Variants in NME7 observed in about 807,000 individuals in gnomAD.
The protein encoded by NME7 is nucleoside diphosphate kinase 7.
A neutral mutation model predicts 49.1 loss-of-function variants in NME7; 41 were observed. The observed-to-expected ratio is 0.83, with a 90% CI of 0.65 to 1.08. NME7 has a LOEUF of 1.08. Ranked by LOEUF, NME7 falls within the 50% of genes least tolerant of loss-of-function variation. The pLI is 0.00. For synonymous variants in NME7, 139 were observed against 150.6 expected, an observed-to-expected ratio of 0.92 and a Z score of 0.56; for missense variants, 423 against 463.4, an observed-to-expected ratio of 0.91 and a Z score of 0.80.
intron 1 of NME7, among the ~76,000 whole-genome samples, chr1:169,325,293 G>A (rs1217268079): frequency 6.6e-6 from 1 of 151,902 alleles, no homozygotes; most frequent in African/African-American, 2.4e-5. Flanking sequence ...GGACAGGGAG[G>A]GGCCAGCTTT....
chr1:169,195,405 T>C (rs1660350208), intron 10 of NME7, among the ~76,000 whole-genome samples: 1 of 152,080 alleles, frequency 6.6e-6, no homozygotes, highest in South Asian at 2.1e-4. Context: ...TTTATTTATT[T>C]TTATATTTAT....
intron 1 of NME7, among the ~76,000 whole-genome samples, chr1:169,358,469 T>C (rs1188897572): frequency 6.6e-6 from 1 of 152,074 alleles, no homozygotes; most frequent in Admixed American, 6.6e-5. Context: ...TTCAACAAGC[T>C]ACATCTTGAA....
chr1:169,250,413 A>G (rs1243480965), intron 7 of NME7, among the ~76,000 whole-genome samples: 1 of 151,910 alleles, frequency 6.6e-6, no homozygotes, highest in Non-Finnish European at 1.5e-5. Flanking sequence ...TGAAAAACCA[A>G]CTTTTAGTGT....
intron 10 of NME7, among the ~76,000 whole-genome samples, chr1:169,218,910 A>G (rs1224873609): frequency 1.3e-5 from 2 of 152,188 alleles, no homozygotes; most frequent in African/African-American, 4.8e-5. Flanking sequence ...CTTAAGATAA[A>G]TGCCCTGGAT....
intron 10 of NME7, among the ~76,000 whole-genome samples, chr1:169,224,396 T>A (rs572024916): frequency 1.2e-3 from 189 of 152,312 alleles, no homozygotes; most frequent in African/African-American, 4.3e-3. Flanking sequence ...TACTAGGTTG[T>A]CTTTCCAAGT....
At chr1:169,305,440 G>A (rs545167674) in intron 4 of NME7, among the ~76,000 whole-genome samples, 4 of 152,294 alleles carry the variant, frequency 2.6e-5, no homozygotes, top group African/African-American at 9.6e-5. Context: ...TCATCATGGC[G>A]GAACCGACAT....
chr1:169,176,994 A>C (rs1004995436), intron 10 of NME7, among the ~76,000 whole-genome samples: 2 of 152,090 alleles, frequency 1.3e-5, no homozygotes, highest in Non-Finnish European at 2.9e-5. Context: ...ATTACTACTA[A>C]AAAATTTAAG....
intron 10 of NME7, among the ~76,000 whole-genome samples, chr1:169,227,294 G>A (rs11589565): frequency 6.6e-5 from 10 of 152,184 alleles, no homozygotes; most frequent in African/African-American, 2.2e-4. Context: ...TGTTGTTTTA[G>A]GCATTCAAAA....
intron 1 of NME7, among the ~76,000 whole-genome samples, chr1:169,339,513 A>T (rs1266212338): frequency 1.3e-5 from 2 of 152,252 alleles, no homozygotes; most frequent in African/African-American, 2.4e-5. Context: ...GCTAGAAATC[A>T]AATGATAACA....
intron 7 of NME7, among the ~76,000 whole-genome samples, chr1:169,258,593 T>A: frequency 7.7e-6 from 1 of 130,370 alleles, no homozygotes; most frequent in South Asian, 2.4e-4. Flanking sequence ...TTGTTTGTTT[T>A]AAATGGCTCT....
At chr1:169,178,716 T>G (rs1259410690) in intron 10 of NME7, among the ~76,000 whole-genome samples, 1 of 152,116 alleles carries the variant, frequency 6.6e-6, no homozygotes, top group East Asian at 1.9e-4. Flanking sequence ...TGTTCCCACT[T>G]AGTAAGTACC....
chr1:169,324,980 T>C (rs1428242143), intron 1 of NME7, among the ~76,000 whole-genome samples: 2 of 152,186 alleles, frequency 1.3e-5, no homozygotes, highest in Admixed American at 6.5e-5. Flanking sequence ...CATTTTTTTT[T>C]CCTTAGTAAT....
chr1:169,302,993 G>T (rs1351861247), intron 5 of NME7, 152 bp downstream of exon 5: 4 of 452,362 alleles, frequency 8.8e-6, no homozygotes, highest in South Asian at 4.8e-5. Flanking sequence ...AAAAGACAGA[G>T]AATATAATTC....
Position 169,151,676 on chromosome 1 carries a change from C to T in NME7, c.1098+17771G>A, listed in dbSNP as rs138314199. On this transcript the variant is annotated intron_variant, in intron 11 of 11. Transcript: ENST00000367811. ...GGTGCCACCTTCTTGAGGGCTGTGC[C>T]AGCCCAGGCCCTTGGGTAAGAATGT... is the stretch of plus-strand genomic sequence containing the variant. 6.6e-5 allele frequency among the ~76,000 whole-genome samples: 10 copies of T among 152,322 alleles called. No homozygotes were observed. In the East Asian group the frequency reaches 1.9e-3, roughly 29 times the overall value.
intron 10 of NME7, among the ~76,000 whole-genome samples, chr1:169,172,497 G>A (rs1659633231): frequency 6.6e-6 from 1 of 152,024 alleles, no homozygotes; most frequent in African/African-American, 2.4e-5. Flanking sequence ...ATGGTCTTCT[G>A]CCATCTTCAT....
chr1:169,327,544 CT>C (rs1408949757), intron 1 of NME7, among the ~76,000 whole-genome samples: 2 of 152,122 alleles, frequency 1.3e-5, no homozygotes, highest in Non-Finnish European at 2.9e-5. Flanking sequence ...ATCTTAAAGT[CT>C]TAAGGTCTCT....
At chr1:169,209,094 A>G (rs1352605395) in intron 10 of NME7, among the ~76,000 whole-genome samples, 1 of 148,910 alleles carries the variant, frequency 6.7e-6, no homozygotes, top group Non-Finnish European at 1.5e-5. Context: ...TAAAAAATCT[A>G]CAAAATTAAA....
chr1:169,138,893 C>T (rs551654013), intron 11 of NME7, among the ~76,000 whole-genome samples: 1 of 152,066 alleles, frequency 6.6e-6, no homozygotes, highest in Non-Finnish European at 1.5e-5. Context: ...AAATATTTAC[C>T]TTCTTTGCTA....
At chr1:169,303,952 C>CT (rs1353356014) in intron 4 of NME7, among the ~76,000 whole-genome samples, 2 of 152,092 alleles carry the variant, frequency 1.3e-5, no homozygotes, top group African/African-American at 4.8e-5. Context: ...ATGTTTATAG[C>CT]TTTTTTTCTT....
Sources: allele counts gnomAD v4.1 joint callset (sites outside exome capture counted in the v4.1 genomes callset), GRCh38; gene constraint gnomAD v4.1.1; transcripts MANE v1.5; gene names NCBI Gene and HGNC (gene_info 2026-07-23, HGNC 2026-07-21).